CPNE4: variants seen among roughly 807,000 people sequenced by gnomAD.
The protein encoded by CPNE4 is copine 4.
A neutral mutation model predicts 67.9 loss-of-function variants in CPNE4; 25 were observed. The ratio of observed to expected loss-of-function variants is 0.37; its 90% CI spans 0.27 to 0.51. The LOEUF (loss-of-function observed/expected upper bound fraction) is 0.51, where lower values mean the gene tolerates loss of function less well. CPNE4 is among the 20% of genes least tolerant of loss of function. CPNE4 has a pLI of 0.93. For synonymous variants in CPNE4, 242 were observed against 244.9 expected, an observed-to-expected ratio of 0.99 and a Z score of 0.11; for missense variants, 464 against 690.8, an observed-to-expected ratio of 0.67 and a Z score of 3.68.
chr3:131,583,393 G>C (rs555754470), intron 8 of CPNE4, among the ~76,000 whole-genome samples: 7 of 152,116 alleles, frequency 4.6e-5, no homozygotes, highest in Admixed American at 4.6e-4. Context: ...TTGCCCCAAA[G>C]CTTCCTCTAA....
At chr3:131,690,819 C>T (rs1118692) in intron 5 of CPNE4, among the ~76,000 whole-genome samples, 151,804 of 152,212 alleles carry the variant, frequency 1, 75,702 homozygotes, top group Middle Eastern at 1. Context: ...AGATCTAATA[C>T]TCAGAATTTA....
At chr3:131,905,208 C>T in intron 2 of CPNE4, 56 bp downstream of exon 2, 1 of 1,459,052 alleles carries the variant, frequency 6.9e-7, no homozygotes. Context: ...AATATCAAAA[C>T]ATTTTTGAGC....
At chr3:131,592,339 CAACT>C (rs1368942280) in intron 7 of CPNE4, among the ~76,000 whole-genome samples, 1 of 152,178 alleles carries the variant, frequency 6.6e-6, no homozygotes, top group Non-Finnish European at 1.5e-5. Context: ...TGAAACTACA[CAACT>C]AACACTAGGT....
chr3:131,685,106 C>G (rs1350900539), intron 6 of CPNE4, among the ~76,000 whole-genome samples: 4 of 152,126 alleles, frequency 2.6e-5, no homozygotes, highest in Non-Finnish European at 5.9e-5. Context: ...TGAGTTCCAT[C>G]CTTTGTTAGC....
At chr3:131,918,588 C>CA (rs1198671569) in intron 1 of CPNE4, among the ~76,000 whole-genome samples, 3 of 151,710 alleles carry the variant, frequency 2.0e-5, no homozygotes, top group South Asian at 2.1e-4. Flanking sequence ...AACAAATAAG[C>CA]AAAAAAAACC....
chr3:131,739,349 C>A (rs1400011163), intron 2 of CPNE4, among the ~76,000 whole-genome samples: 1 of 152,248 alleles, frequency 6.6e-6, no homozygotes, highest in Non-Finnish European at 1.5e-5. Flanking sequence ...GCCTACCCTG[C>A]CTTGTCACTT....
At chr3:131,823,495 G>A (rs1183534588) in intron 2 of CPNE4, among the ~76,000 whole-genome samples, 2 of 152,202 alleles carry the variant, frequency 1.3e-5, no homozygotes, top group Admixed American at 6.5e-5. Context: ...GGATTGAAAT[G>A]TGCCATATGT....
intron 6 of CPNE4, among the ~76,000 whole-genome samples, chr3:131,679,491 G>A (rs1024257481): frequency 3.9e-5 from 6 of 151,982 alleles, no homozygotes; most frequent in Non-Finnish European, 7.4e-5. Context: ...GTTTGATCTT[G>A]GTTCTCAAGT....
intron 2 of CPNE4, among the ~76,000 whole-genome samples, chr3:131,770,786 A>G (rs990899293): frequency 1.3e-5 from 2 of 152,192 alleles, no homozygotes; most frequent in Non-Finnish European, 2.9e-5. Flanking sequence ...TCATCTTTGG[A>G]AACCTCCCTG....
intron 2 of CPNE4, among the ~76,000 whole-genome samples, chr3:131,882,650 C>T (rs2087723132): frequency 6.6e-6 from 1 of 151,952 alleles, no homozygotes; most frequent in African/African-American, 2.4e-5. Context: ...CTTATAGCAA[C>T]TCTACAATGT....
At chr3:131,923,704 C>CAAAAAAAAA (rs3041574) in intron 1 of CPNE4, among the ~76,000 whole-genome samples, 21 of 39,288 alleles carry the variant, frequency 5.3e-4, no homozygotes, top group East Asian at 1.1e-3. Context: ...GACTCCGTCT[C>CAAAAAAAAA]AAAAAAAAAA....
chr3:131,681,893 G>T (rs2080767632), intron 6 of CPNE4, among the ~76,000 whole-genome samples: 1 of 151,652 alleles, frequency 6.6e-6, no homozygotes, highest in Non-Finnish European at 1.5e-5. Context: ...TCTTCTGCTT[G>T]ATCAATTCTG....
intron 3 of CPNE4, among the ~76,000 whole-genome samples, chr3:131,709,029 A>C (rs1005271987): frequency 3.6e-5 from 5 of 138,234 alleles, no homozygotes; most frequent in African/African-American, 1.3e-4. Context: ...ACTCATAAAA[A>C]TGTTATAATT....
chr3:131,830,611 A>ATTAAG (rs2085331515), intron 2 of CPNE4, among the ~76,000 whole-genome samples: 2 of 152,178 alleles, frequency 1.3e-5, no homozygotes, highest in Admixed American at 6.6e-5. Flanking sequence ...CTGCTCAGAC[A>ATTAAG]ACCCTAATCA....
At chr3:131,581,034 G>T (rs185242611) in intron 9 of CPNE4, among the ~76,000 whole-genome samples, 1 of 152,108 alleles carries the variant, frequency 6.6e-6, no homozygotes, top group East Asian at 1.9e-4. Context: ...TTAGCTGGGC[G>T]TGGTGGCGGG....
chr3:131,535,844 C>G (rs1047593657), intron 15 of CPNE4, among the ~76,000 whole-genome samples: 17 of 152,178 alleles, frequency 1.1e-4, no homozygotes, highest in Non-Finnish European at 1.3e-4. Flanking sequence ...TCACAATCTG[C>G]CTTTTAACTT....
intron 2 of CPNE4, among the ~76,000 whole-genome samples, chr3:131,872,553 T>G (rs2087262934): frequency 6.6e-6 from 1 of 152,226 alleles, no homozygotes; most frequent in East Asian, 1.9e-4. Context: ...CAGTCTGCTT[T>G]ACTCAGTCTA....
In CPNE4 at chr3:131,968,420, C is replaced by G. The variant is rs939397280; in HGVS notation, c.-1-62976G>C. Among the ~76,000 whole-genome samples, 6 of 152,302 alleles carry G rather than the reference C, an allele frequency of 3.9e-5. No homozygotes were observed. In the East Asian group the frequency reaches 1.2e-3, roughly 29 times the overall value. ...AGAAACTGTCATCACAGTGAACATG[C>G]AACCTACAGAATGGGAGAAAATGTT... is the stretch of plus-strand genomic sequence containing the variant. On this transcript the variant is annotated intron_variant, in intron 1 of 15. Coordinates refer to ENST00000429747, the MANE Select transcript of CPNE4 (RefSeq NM_130808.3).
At chr3:131,792,979 C>A (rs182669854) in intron 2 of CPNE4, among the ~76,000 whole-genome samples, 11 of 150,554 alleles carry the variant, frequency 7.3e-5, no homozygotes, top group Admixed American at 7.3e-4. Context: ...TCCCTTCTCC[C>A]ATGTGCACCC....
Sources: allele counts gnomAD v4.1 joint callset (sites outside exome capture counted in the v4.1 genomes callset), GRCh38; gene constraint gnomAD v4.1.1; transcripts MANE v1.5; gene names NCBI Gene and HGNC (gene_info 2026-07-23, HGNC 2026-07-21).